Variants in GPC5 observed in about 807,000 individuals in gnomAD.
GPC5 encodes the protein glypican 5.
GPC5 carries 47 observed loss-of-function variants against 53.9 expected under a neutral mutation model. The ratio of observed to expected loss-of-function variants is 0.87; its 90% CI spans 0.69 to 1.11. The LOEUF is 1.11. Ranked by LOEUF, GPC5 falls within the 50% of genes most tolerant of loss-of-function variation. The probability of loss-of-function intolerance (pLI) is 0.00; values close to 1 mark genes in which losing one functional copy is unlikely to be tolerated. For missense variants in GPC5, 748 were observed against 713.1 expected (o/e 1.05, Z -0.56); for synonymous variants, 286 against 263.3 (o/e 1.09, Z -0.84).
At chr13:92,026,233 A>G (rs1389955774) in intron 6 of GPC5, among the ~76,000 whole-genome samples, 1 of 152,062 alleles carries the variant, frequency 6.6e-6, no homozygotes, top group East Asian at 1.9e-4. Context: ...TTCATAACAT[A>G]TGCAAATTAT....
At chr13:92,452,087 A>G (rs1437678336) in intron 7 of GPC5, among the ~76,000 whole-genome samples, 1 of 152,220 alleles carries the variant, frequency 6.6e-6, no homozygotes, top group Non-Finnish European at 1.5e-5. Flanking sequence ...ATAATAATAC[A>G]GTTAAAATAG....
chr13:92,115,113 A>G (rs2041589888), intron 6 of GPC5, among the ~76,000 whole-genome samples: 1 of 152,220 alleles, frequency 6.6e-6, no homozygotes, highest in South Asian at 2.1e-4. Flanking sequence ...AAGTGTTTGA[A>G]TTATTATGTG....
rs1883208383 is a variant in GPC5, at chr13:92,577,050, TAGTA to T, written c.1562-289229_1562-289226del. On this transcript the variant is annotated intron_variant, in intron 7 of 7. Transcript: ENST00000377067. ...CATTTTAGCTAGCAAATTTCCAAGA[TAGTA>T]AGCTGTGTAATTTTATCTGCAATAT... is the stretch of plus-strand genomic sequence containing the variant. Among the ~76,000 whole-genome samples the T allele has an allele frequency of 3.9e-5, 6 of 152,198 alleles. No homozygotes were observed. The South Asian group carries it at 1.2e-3, about 31-fold the overall frequency.
chr13:91,431,734 A>G (rs1879467135), intron 1 of GPC5, among the ~76,000 whole-genome samples: 1 of 152,184 alleles, frequency 6.6e-6, no homozygotes, highest in South Asian at 2.1e-4. Context: ...TCTCCCATGG[A>G]CGGGGATGTT....
At chr13:92,028,208 A>G (rs758173355) in intron 6 of GPC5, among the ~76,000 whole-genome samples, 12 of 152,056 alleles carry the variant, frequency 7.9e-5, no homozygotes, top group Non-Finnish European at 1.5e-4. Flanking sequence ...GGGAGGGGGA[A>G]TCTTGCAAGA....
intron 6 of GPC5, among the ~76,000 whole-genome samples, chr13:91,942,401 A>G (rs1020858741): frequency 1.1e-4 from 17 of 152,088 alleles, no homozygotes; most frequent in African/African-American, 3.9e-4. Flanking sequence ...GAACAATGAC[A>G]CAAAAAATGG....
At chr13:91,806,362 A>G (rs1447667659) in intron 5 of GPC5, among the ~76,000 whole-genome samples, 4 of 151,700 alleles carry the variant, frequency 2.6e-5, no homozygotes, top group Non-Finnish European at 4.4e-5. Context: ...TATTTAGGGA[A>G]CTTATTTTTT....
chr13:92,830,737 T>A (rs564139796), intron 7 of GPC5, among the ~76,000 whole-genome samples: 2 of 152,138 alleles, frequency 1.3e-5, no homozygotes, highest in African/African-American at 2.4e-5. Flanking sequence ...TGGGAAAAAA[T>A]TTAAATAATT....
intron 1 of GPC5, among the ~76,000 whole-genome samples, chr13:91,421,828 G>T (rs928760763): frequency 6.6e-6 from 1 of 152,168 alleles, no homozygotes; most frequent in Non-Finnish European, 1.5e-5. Flanking sequence ...TGACTGTATT[G>T]ATGTATTTTA....
chr13:92,860,446 A>G (rs1395252961), intron 7 of GPC5, among the ~76,000 whole-genome samples: 2 of 151,984 alleles, frequency 1.3e-5, no homozygotes, highest in South Asian at 2.1e-4. Flanking sequence ...TATATCCTCA[A>G]CTCAACTGAC....
At chr13:92,572,050 A>AG (rs545675043) in intron 7 of GPC5, among the ~76,000 whole-genome samples, 17 of 152,288 alleles carry the variant, frequency 1.1e-4, no homozygotes, top group African/African-American at 4.1e-4. Flanking sequence ...AAGAAAAAAA[A>AG]GTAAGCTGTT....
At chr13:92,151,607 A>C (rs1429589382) in intron 7 of GPC5, among the ~76,000 whole-genome samples, 1 of 152,182 alleles carries the variant, frequency 6.6e-6, no homozygotes, top group Non-Finnish European at 1.5e-5. Context: ...TTTACTTCTT[A>C]ACACCAAAGT....
intron 7 of GPC5, among the ~76,000 whole-genome samples, chr13:92,585,811 T>G (rs1401338414): frequency 1.3e-5 from 2 of 152,100 alleles, no homozygotes; most frequent in Non-Finnish European, 2.9e-5. Flanking sequence ...TCTCACAAGA[T>G]CTGATGGTAA....
At chr13:92,151,112 G>A (rs185047550) in intron 7 of GPC5, among the ~76,000 whole-genome samples, 1 of 151,938 alleles carries the variant, frequency 6.6e-6, no homozygotes, top group Non-Finnish European at 1.5e-5. Flanking sequence ...GTATATCTTC[G>A]GGTCTTTAAT....
intron 6 of GPC5, among the ~76,000 whole-genome samples, chr13:91,928,967 C>A (rs1435209696): frequency 6.6e-6 from 1 of 152,080 alleles, no homozygotes; most frequent in Non-Finnish European, 1.5e-5. Context: ...CATCATCAAT[C>A]TCACAAGTAT....
At chr13:92,718,440 G>C (rs919307780) in intron 7 of GPC5, among the ~76,000 whole-genome samples, 17 of 152,110 alleles carry the variant, frequency 1.1e-4, no homozygotes, top group South Asian at 6.2e-4. Context: ...AAGTGAAATA[G>C]GCCAGGCATA....
intron 1 of GPC5, among the ~76,000 whole-genome samples, chr13:91,444,119 T>G (rs9523336): frequency 0.018 from 2,680 of 152,280 alleles, 33 homozygotes; most frequent in Non-Finnish European, 0.029. Context: ...TTCAAAATTT[T>G]TATTTTTCAT....
chr13:91,878,940 C>G (rs530167777), intron 5 of GPC5, among the ~76,000 whole-genome samples: 1 of 152,248 alleles, frequency 6.6e-6, no homozygotes, highest in South Asian at 2.1e-4. Flanking sequence ...TCAGATCAAT[C>G]TCTGTGATAA....
chr13:92,763,990 C>T (rs548299925), intron 7 of GPC5, among the ~76,000 whole-genome samples: 1 of 152,236 alleles, frequency 6.6e-6, no homozygotes, highest in Admixed American at 6.5e-5. Flanking sequence ...AGTGGACTAG[C>T]CCCCTAGAGT....
Sources: allele counts gnomAD v4.1 joint callset (sites outside exome capture counted in the v4.1 genomes callset), GRCh38; gene constraint gnomAD v4.1.1; transcripts MANE v1.5; gene names NCBI Gene and HGNC (gene_info 2026-07-23, HGNC 2026-07-21).